The following UNC79 variants were observed in gnomAD, a reference collection of about 807,000 sequenced individuals.
UNC79 encodes the protein protein unc-79 homolog.
In UNC79, 37 loss-of-function variants were observed where a neutral mutation model predicts 283.1. The ratio of observed to expected loss-of-function variants is 0.13; its 90% CI spans 0.10 to 0.17. The LOEUF (loss-of-function observed/expected upper bound fraction) is 0.17. Among genes scored for constraint, UNC79 ranks in the 10% least tolerant of loss-of-function variants. The pLI, the probability that UNC79 is intolerant of heterozygous loss-of-function variation, is 1.00. For synonymous variants in UNC79, 1,107 were observed against 1,200.2 expected, an observed-to-expected ratio of 0.92 and a Z score of 1.61; for missense variants, 2,272 against 3,211.1, an observed-to-expected ratio of 0.71 and a Z score of 7.07.
At chr14:93,520,211 A>G (rs1027338200) in intron 7 of UNC79, among the ~76,000 whole-genome samples, 3 of 151,940 alleles carry the variant, frequency 2.0e-5, no homozygotes, top group East Asian at 1.9e-4. Context: ...CTTTCAGCCT[A>G]TTAAAGATGT....
chr14:93,460,198 C>T (rs1366586130), intron 1 of UNC79, among the ~76,000 whole-genome samples: 1 of 75,990 alleles, frequency 1.3e-5, no homozygotes, highest in Admixed American at 1.7e-4. Context: ...ACCAAGATTC[C>T]GTCTCAAAAA....
chr14:93,540,965 G>T, intron 13 of UNC79, 134 bp downstream of exon 13: 11 of 1,071,456 alleles, frequency 1.0e-5, no homozygotes, highest in African/African-American at 1.6e-5. Flanking sequence ...CTGAAGCTAT[G>T]GCAATAGCTG....
At chr14:93,672,365 C>T (rs914350663) in intron 40 of UNC79, among the ~76,000 whole-genome samples, 3 of 152,026 alleles carry the variant, frequency 2.0e-5, no homozygotes, top group African/African-American at 7.2e-5. Context: ...AAAATAGCAA[C>T]AGGGATGGAA....
chr14:93,410,931 A>G (rs2055322578), intron 1 of UNC79, among the ~76,000 whole-genome samples: 2 of 152,032 alleles, frequency 1.3e-5, no homozygotes, highest in East Asian at 3.9e-4. Flanking sequence ...AAGTGGAGGA[A>G]AAAGAAAAGC....
intron 1 of UNC79, 27 bp downstream of exon 1, chr14:93,431,078 G>A (rs2055854519): frequency 1.4e-6 from 1 of 700,652 alleles, no homozygotes; most frequent in Admixed American, 2.0e-5. Flanking sequence ...CCGGCATTCC[G>A]GCCCGGCCTC....
chr14:93,357,474 C>T (rs780723547), intron 1 of UNC79, among the ~76,000 whole-genome samples: 17 of 151,724 alleles, frequency 1.1e-4, no homozygotes, highest in Admixed American at 2.6e-4. Context: ...GAATATAAAG[C>T]AGGCAGAAAA....
chr14:93,701,847 AT>A (rs1357061570), intron 47 of UNC79, among the ~76,000 whole-genome samples: 1 of 152,204 alleles, frequency 6.6e-6, no homozygotes, highest in Non-Finnish European at 1.5e-5. Context: ...TGGGGAAATA[AT>A]AAAAACACTT....
chr14:93,625,346 G>A (rs545721238), intron 30 of UNC79, among the ~76,000 whole-genome samples: 1 of 152,248 alleles, frequency 6.6e-6, no homozygotes, highest in Non-Finnish European at 1.5e-5. Flanking sequence ...GCATCATCAC[G>A]AACCCTGGCT....
intron 14 of UNC79, among the ~76,000 whole-genome samples, chr14:93,564,666 AAG>A (rs1472225016): frequency 1.3e-5 from 2 of 152,166 alleles, no homozygotes; most frequent in African/African-American, 2.4e-5. Flanking sequence ...TGAGTCTGGA[AAG>A]AGAGTCAGCG....
rs142386621 is a variant in UNC79 at position 93,407,441 on chromosome 14, G to A, written c.-350-60230G>A. ...AAAACTCTTGAGGGCCTAGACTTGT[G>A]GGGAGGACACCCACTTTCATAAGTT... On this transcript the variant is annotated intron_variant, in intron 1 of 49. Coordinates refer to the UNC79 transcript ENST00000256339. Among the ~76,000 whole-genome samples the A allele has an allele frequency of 5.6e-3, 850 of 152,246 alleles. 4 individuals are homozygous for A. The highest frequency in any genetic ancestry group is 0.01 in the Admixed American group (154 of 15,280).
intron 1 of UNC79, among the ~76,000 whole-genome samples, chr14:93,359,459 C>T (rs762862712): frequency 1.3e-5 from 2 of 152,206 alleles, no homozygotes; most frequent in Non-Finnish European, 2.9e-5. Flanking sequence ...CACTCAACTA[C>T]AGAATTTAAA....
chr14:93,437,103 A>G (rs996865677), intron 1 of UNC79, among the ~76,000 whole-genome samples: 6 of 152,200 alleles, frequency 3.9e-5, no homozygotes, highest in African/African-American at 1.4e-4. Flanking sequence ...GTGTATATAC[A>G]TATACATTTA....
At chr14:93,336,584 G>A (rs550023104) in intron 1 of UNC79, among the ~76,000 whole-genome samples, 41 of 152,170 alleles carry the variant, frequency 2.7e-4, no homozygotes, top group Non-Finnish European at 4.9e-4. Flanking sequence ...CTCGTGATCC[G>A]CCCACCTTGG....
upstream of UNC79, among the ~76,000 whole-genome samples, chr14:93,429,337 T>C (rs2055800690): frequency 6.6e-6 from 1 of 152,352 alleles, no homozygotes; most frequent in East Asian, 1.9e-4. Flanking sequence ...CATGGAATGA[T>C]AGCTGATTAG....
intron 22 of UNC79, among the ~76,000 whole-genome samples, chr14:93,588,877 G>T (rs1204231136): frequency 6.6e-6 from 1 of 152,024 alleles, no homozygotes; most frequent in Non-Finnish European, 1.5e-5. Flanking sequence ...AAGAACAAAA[G>T]GTAGGGTGGA....
At chr14:93,365,610 A>G (rs1236375232) in intron 1 of UNC79, among the ~76,000 whole-genome samples, 1 of 152,204 alleles carries the variant, frequency 6.6e-6, no homozygotes, top group Non-Finnish European at 1.5e-5. Context: ...TATTAAAAAT[A>G]TAATTATTAA....
chr14:93,640,071 C>A (rs932589388), intron 32 of UNC79, among the ~76,000 whole-genome samples: 2 of 152,132 alleles, frequency 1.3e-5, no homozygotes, highest in African/African-American at 4.8e-5. Context: ...TCTGGATGAT[C>A]CCTTTGAGAT....
chr14:93,680,619 C>T (rs2073768148), intron 41 of UNC79, among the ~76,000 whole-genome samples: 1 of 152,136 alleles, frequency 6.6e-6, no homozygotes, highest in Non-Finnish European at 1.5e-5. Flanking sequence ...GAAGCAGAGT[C>T]TCACTCTGCT....
intron 11 of UNC79, among the ~76,000 whole-genome samples, chr14:93,533,071 G>T (rs1406369952): frequency 7.3e-5 from 11 of 151,096 alleles, no homozygotes; most frequent in Admixed American, 3.3e-4. Flanking sequence ...ATTTCCTTTA[G>T]TTTTTTTTTA....
Sources: allele counts gnomAD v4.1 joint callset (sites outside exome capture counted in the v4.1 genomes callset), GRCh38; gene constraint gnomAD v4.1.1; transcripts MANE v1.5; gene names NCBI Gene and HGNC (gene_info 2026-07-23, HGNC 2026-07-21).